Variants in UBOX5 observed in about 807,000 individuals in gnomAD.
The protein encoded by UBOX5 is RING finger protein 37.
UBOX5 carries 28 observed loss-of-function variants against 39.0 expected under a neutral mutation model. That is an observed-to-expected ratio of 0.72 (90% CI 0.53 to 0.98). UBOX5 has a LOEUF of 0.98. UBOX5 is among the 50% of genes least tolerant of loss of function. The pLI is 0.00. For missense variants in UBOX5, 585 were observed against 674.4 expected (o/e 0.87, Z 1.47); for synonymous variants, 283 against 275.5 (o/e 1.03, Z -0.27).
At chr20:3,117,528 C>A (rs572439781) in intron 3 of UBOX5, among the ~76,000 whole-genome samples, 3 of 151,996 alleles carry the variant, frequency 2.0e-5, no homozygotes, top group East Asian at 3.9e-4. Flanking sequence ...TAATAAAATA[C>A]GAAAAATTAG....
intron 1 of UBOX5, among the ~76,000 whole-genome samples, chr20:3,137,825 C>T (rs2066484831): frequency 6.6e-6 from 1 of 152,200 alleles, no homozygotes; most frequent in Non-Finnish European, 1.5e-5. Context: ...TCTACTTCCA[C>T]AGAAGTCTTG....
intron 1 of UBOX5, chr20:3,148,150 A>G (rs746509692): frequency 6.2e-7 from 1 of 1,613,850 alleles, no homozygotes; most frequent in South Asian, 1.1e-5. Flanking sequence ...CTATATATTT[A>G]AGGATCAATG....
chr20:3,142,167 A>G (rs1338381722), intron 1 of UBOX5, among the ~76,000 whole-genome samples: 2 of 151,848 alleles, frequency 1.3e-5, no homozygotes, highest in African/African-American at 2.4e-5. Flanking sequence ...CAAAAAGAAA[A>G]AAAAAAAAAA....
rs1161305393 is a variant in UBOX5 at position 3,122,227 on chromosome 20, C to A, written c.412G>T (p.Ala138Ser). The A allele has an allele frequency of 6.2e-7, 1 of 1,614,116 alleles. No individual in the cohort carries two copies. Among genetic ancestry groups the A allele is most frequent in the Non-Finnish European group, 8.5e-7 (1 of 1,180,054 alleles). Reference sequence around the variant, plus strand: ...TCCATCGCGCCAAAAGGGGGCCTGGCCTTGAAGCCCCTGTGGCTAAACACC... The same window carrying A: ...TCCATCGCGCCAAAAGGGGGCCTGGACTTGAAGCCCCTGTGGCTAAACACC... ...QVVFSHRGFKARPPFGAMEAT... is the reference protein window; with the variant it reads ...QVVFSHRGFKSRPPFGAMEAT... The change falls in exon 3 of 5, where the codon GCC (alanine) becomes TCC (serine). Residue 138 changes from alanine to serine, a missense_variant. Coordinates refer to ENST00000217173, the MANE Select transcript of UBOX5 (RefSeq NM_014948.4).
Position 3,122,354 on chromosome 20 carries a change from A to G in UBOX5, c.285T>C (p.Asn95=), listed in dbSNP as rs2066345309. The G allele has an allele frequency of 6.2e-7, 1 of 1,614,222 alleles. No homozygotes were observed. Among genetic ancestry groups the G allele is most frequent in the Admixed American group, 1.7e-5 (1 of 60,022 alleles). Residue 95 remains asparagine (N), a synonymous_variant, in exon 3 of 5, where the codon AAT becomes AAC. Transcript: ENST00000217173. The part of the protein sequence containing the change: ...TSASSSRVSW[N]TPQCRTLGPA... ...GGCCCAGGGTCCGGCACTGGGGCGT[A>G]TTCCAAGACACTCTGCTAGATGAGG...
chr20:3,154,424 G>A (rs967338623), intron 1 of UBOX5, among the ~76,000 whole-genome samples: 51 of 152,234 alleles, frequency 3.4e-4, no homozygotes, highest in Admixed American at 1.4e-3. Flanking sequence ...GCCCATTCCT[G>A]TAATCATAGT....
At chr20:3,151,617 C>T (rs1418314428) in intron 1 of UBOX5, 2 of 145,820 alleles carry the variant, frequency 1.4e-5, no homozygotes, top group Non-Finnish European at 1.5e-5. Context: ...GCAAGACTGT[C>T]TAAAAAATAA....
At chr20:3,114,976 A>C (rs2148587967) in intron 4 of UBOX5, among the ~76,000 whole-genome samples, 1 of 152,304 alleles carries the variant, frequency 6.6e-6, no homozygotes, top group Middle Eastern at 3.4e-3. Context: ...CAAACAAAAA[A>C]AAGAGAAACA....
chr20:3,155,052 C>CAAAAAA (rs11326176), intron 1 of UBOX5, among the ~76,000 whole-genome samples: 9 of 96,072 alleles, frequency 9.4e-5, no homozygotes, highest in African/African-American at 2.3e-4. Flanking sequence ...GACACAGTCT[C>CAAAAAA]AAAAAAAAAA....
intron 3 of UBOX5, among the ~76,000 whole-genome samples, chr20:3,116,201 C>G (rs1232948284): frequency 1.3e-5 from 2 of 152,212 alleles, no homozygotes; most frequent in Admixed American, 1.3e-4. Context: ...GACCCCACCA[C>G]CCCCCAGAGG....
At chr20:3,130,608 G>C (rs1874129200) in intron 1 of UBOX5, among the ~76,000 whole-genome samples, 1 of 151,550 alleles carries the variant, frequency 6.6e-6, no homozygotes, top group South Asian at 2.1e-4. Flanking sequence ...TTACTCAAGG[G>C]GTCCTACATG....
At chr20:3,115,672 G>A (rs1399301003) in intron 3 of UBOX5, among the ~76,000 whole-genome samples, 2 of 151,386 alleles carry the variant, frequency 1.3e-5, no homozygotes, top group Non-Finnish European at 3.0e-5. Flanking sequence ...CCATCCCACC[G>A]GCTTCAGGCT....
At chr20:3,133,186 A>G (rs115023381) in intron 1 of UBOX5, among the ~76,000 whole-genome samples, 1,660 of 152,312 alleles carry the variant, frequency 0.011, 29 homozygotes, top group African/African-American at 0.038. Context: ...GGTTGCTATC[A>G]AAGTCTTTAA....
intron 1 of UBOX5, chr20:3,136,199 C>T (rs2066469910): frequency 6.6e-6 from 1 of 151,106 alleles, no homozygotes; most frequent in Admixed American, 6.6e-5. Flanking sequence ...CCCATTTTTC[C>T]TTCGGCATTT....
intron 1 of UBOX5, among the ~76,000 whole-genome samples, chr20:3,139,300 T>G (rs2066496750): frequency 6.6e-6 from 1 of 152,190 alleles, no homozygotes; most frequent in African/African-American, 2.4e-5. Flanking sequence ...TGCAGTTTTA[T>G]ACCACGTGGA....
chr20:3,126,815 C>A (rs1206509758), intron 1 of UBOX5, among the ~76,000 whole-genome samples: 1 of 152,034 alleles, frequency 6.6e-6, no homozygotes, highest in Non-Finnish European at 1.5e-5. Flanking sequence ...GCAGGCAGAT[C>A]ACCTGAGGTC....
intron 1 of UBOX5, chr20:3,148,352 T>C: frequency 6.2e-7 from 1 of 1,614,164 alleles, no homozygotes; most frequent in Non-Finnish European, 8.5e-7. Flanking sequence ...CTGATCCATA[T>C]TCATCTCCCA....
rs567661900 is a variant in UBOX5, at chr20:3,142,378, A to T, written c.-42+17388T>A. On this transcript the variant is annotated intron_variant, in intron 1 of 4. Transcript: ENST00000217173. ...CACTTTGGGATGCCAAGGTGGGCAG[A>T]TAACCTGAGGTCAGGAGTTTGAGAC... Among the ~76,000 whole-genome samples the T allele has an allele frequency of 7.9e-5, 12 of 152,164 alleles. No homozygotes were observed. In the East Asian group the frequency reaches 2.3e-3, roughly 29 times the overall value.
chr20:3,118,251 T>A (rs952145120), intron 3 of UBOX5, among the ~76,000 whole-genome samples: 1 of 152,070 alleles, frequency 6.6e-6, no homozygotes, highest in African/African-American at 2.4e-5. Context: ...GGCAGGTAGA[T>A]AACCTGAGGT....
Sources: gnomAD v4.1 joint callset for allele counts (sites outside exome capture counted in the v4.1 genomes callset) on GRCh38, gnomAD v4.1.1 for gene constraint, MANE v1.5 for transcripts, NCBI Gene and HGNC (gene_info 2026-07-23, HGNC 2026-07-21) for gene names.